The following P4HB variants were observed in gnomAD, a reference collection of about 807,000 sequenced individuals.
P4HB encodes the protein prolyl 4-hydroxylase subunit beta.
A neutral mutation model predicts 52.6 loss-of-function variants in P4HB; 20 were observed. That is an observed-to-expected ratio of 0.38 (90% confidence interval 0.27 to 0.55). P4HB has a LOEUF of 0.55. Ranked by LOEUF, P4HB falls within the 20% of genes least tolerant of loss-of-function variation. The probability of loss-of-function intolerance (pLI) is 0.74; values close to 1 mark genes in which losing one functional copy is unlikely to be tolerated. For missense variants in P4HB, 601 were observed against 669.2 expected (o/e 0.90, Z 1.12); for synonymous variants, 296 against 277.9 (o/e 1.07, Z -0.65).
At position 81,854,575 on chromosome 17, in the gene P4HB, G is replaced by A. The variant is rs1025197314; in HGVS notation, c.624+567C>T. Reference sequence around the variant, plus strand: ...AAAAAAGGCAAACGGGGCCAGGCGCGGTGGCTCACATCTGTAATCCCAGCA... The same window carrying A: ...AAAAAAGGCAAACGGGGCCAGGCGCAGTGGCTCACATCTGTAATCCCAGCA... On this transcript the variant is annotated intron_variant, in intron 4 of 10. Coordinates refer to ENST00000331483, the MANE Select transcript of P4HB (RefSeq NM_000918.4). Among the ~76,000 whole-genome samples, 110 of 151,678 alleles carry A rather than the reference G, an allele frequency of 7.3e-4. 1 individual carries two copies. Among genetic ancestry groups the A allele is most frequent in the African/African-American group, 2.6e-3 (106 of 41,338 alleles).
chr17:81,859,247 C>T lies in P4HB; in HGVS notation c.286G>A (p.Val96Met), dbSNP rs1567842828. Reference sequence around the variant, plus strand: ...AACTTGATGGTGGGATAGCCGCGCACGCCGTACTGCTGGGCCAGGTCAGAC... The same window carrying T: ...AACTTGATGGTGGGATAGCCGCGCATGCCGTACTGCTGGGCCAGGTCAGAC... ...EESDLAQQYG[V>M]RGYPTIKFFR... is the part of the protein sequence containing the mutation. Residue 96 changes from valine (V) to methionine (M), a missense_variant, in exon 2 of 11, where the codon GTG becomes ATG. Physicochemically the swap from Val to Met is conservative, Grantham distance 21. Transcript: ENST00000331483. 5 of 1,614,046 alleles carry T rather than the reference C, an allele frequency of 3.1e-6. No homozygotes were observed. The highest frequency in any genetic ancestry group is 1.1e-5 in the South Asian group (1 of 91,080).
In P4HB at chr17:81,853,890, GC is replaced by G. The variant is rs540464161; in HGVS notation, c.624+1251del. On this transcript the variant is annotated intron_variant, in intron 4 of 10. Transcript: ENST00000331483. ...GCTGTCCCTAGAGCACAAGTGTGCGGCCCCAGCCCCACCTGCCTGGTGACCG... is the reference window on the plus strand; with the variant it reads ...GCTGTCCCTAGAGCACAAGTGTGCGGCCCAGCCCCACCTGCCTGGTGACCG... Among the ~76,000 whole-genome samples, 1,196 of 152,296 alleles carry G rather than the reference GC, an allele frequency of 7.9e-3. 9 individuals carry two copies. Among genetic ancestry groups the G allele is most frequent in the Non-Finnish European group, 0.014 (930 of 68,028 alleles).
chr17:81,855,769 G>C lies in P4HB; in HGVS notation c.353-183C>G. On this transcript the variant is annotated intron_variant, in intron 2 of 10. Coordinates refer to ENST00000331483, the MANE Select transcript of P4HB (RefSeq NM_000918.4). This position sits in a 1 kb window ranked among gnomAD's most constrained non-coding sequence, Gnocchi z 4.3. The stretch of plus-strand genomic sequence containing the variant: ...GCCCGCCTCCTAAACCCCAGTGTAC[G>C]TGAGACTGTGGTTGTGTTTATGGGG... The C allele has an allele frequency of 1.6e-6, 1 of 611,374 alleles. No individual in the cohort carries two copies. The highest frequency in any genetic ancestry group is 2.8e-6 in the Non-Finnish European group (1 of 355,248). The allele number at this position is 611,374 out of a possible 1,614,324, so 37.9% of individuals were successfully genotyped here. A position where few individuals can be genotyped will look rare whatever the true frequency, so the allele number is the denominator to read the frequency against.
intron 1 of P4HB, 89 bp from the exon 2 acceptor site, chr17:81,859,476 T>C (rs1048500847): frequency 7.7e-6 from 9 of 1,161,552 alleles, no homozygotes; most frequent in East Asian, 4.7e-5. Flanking sequence ...TCCTCTGGCA[T>C]TTCCCTTCAT....
In P4HB at chr17:81,860,512, C is replaced by A. The variant is rs778631671; in HGVS notation, c.-41G>T. The A allele has an allele frequency of 8.9e-6, 11 of 1,237,050 alleles. No individual in the cohort carries two copies. The East Asian group carries it at 3.5e-4, about 40-fold the overall frequency. 76.6% of individuals were successfully genotyped at this position (1,237,050 alleles called of 1,614,324 possible). On this transcript the variant is annotated 5_prime_UTR_variant, in exon 1 of 11. Transcript: ENST00000331483. ...GGCGGGGCGCTTCGGTTGGCGCCGCCGGGACAGCGGGGGCGACGAGAGCGC... is the reference window on the plus strand; with the variant it reads ...GGCGGGGCGCTTCGGTTGGCGCCGCAGGGACAGCGGGGGCGACGAGAGCGC...
At chr17:81,852,190 A>AT (rs1184932671) in intron 4 of P4HB, among the ~76,000 whole-genome samples, 4 of 152,140 alleles carry the variant, frequency 2.6e-5, no homozygotes, top group Non-Finnish European at 4.4e-5. Flanking sequence ...TCAAACAACA[A>AT]TAACAGGCCC....
In P4HB at chr17:81,844,041, C is replaced by G; in HGVS notation, c.1498G>C (p.Asp500His). ...AEEPDMEEDD[D>H]QKAVKDEL ...AGTTCATCTTTCACAGCTTTCTGAT[C>G]ATCGTCTTCCTCCATGTCTGGCTCC... Residue 500 changes from aspartate to histidine, a missense_variant, in exon 11 of 11, where the codon GAT (aspartate) becomes CAT (histidine). By Grantham distance (81) the Asp-to-His change is moderately conservative (BLOSUM62 -1). Coordinates refer to ENST00000331483, the MANE Select transcript of P4HB (RefSeq NM_000918.4). The G allele has an allele frequency of 6.2e-7, 1 of 1,613,872 alleles. No homozygotes were observed. Among genetic ancestry groups the G allele is most frequent in the Non-Finnish European group, 8.5e-7 (1 of 1,179,774 alleles).
Position 81,843,756 on chromosome 17 carries a change from A to G in P4HB, c.*256T>C. 3 of 588,312 alleles carry G rather than the reference A, an allele frequency of 5.1e-6. No homozygotes were observed. The East Asian group carries it at 8.4e-5, about 16-fold the overall frequency. The allele number at this position is 588,312 out of a possible 1,614,324, so 36.4% of individuals were successfully genotyped here. On this transcript the variant is annotated 3_prime_UTR_variant, in exon 11 of 11. Coordinates refer to ENST00000331483, the MANE Select transcript of P4HB (RefSeq NM_000918.4). The stretch of plus-strand genomic sequence containing the variant: ...TGGACAGACTCATGTATGAAAAAGT[A>G]CATCATGGTTTCAGGAAACAAGCCC...
rs1224852728 is a variant in P4HB, at chr17:81,843,646, A to C, written c.*366T>G. 2 of 463,950 alleles carry C rather than the reference A, an allele frequency of 4.3e-6. No homozygotes were observed. The highest frequency in any genetic ancestry group is 7.6e-6 in the Non-Finnish European group (2 of 264,024). The allele number at this position is 463,950 out of a possible 1,614,324, so 28.7% of individuals were successfully genotyped here. Reference sequence around the variant, plus strand: ...ACCCTGATGTCGAAAAATGTCTAAAAATCCCACAGACGGAATTTTCAAAAA... The same window carrying C: ...ACCCTGATGTCGAAAAATGTCTAAACATCCCACAGACGGAATTTTCAAAAA... On this transcript the variant is annotated 3_prime_UTR_variant, in exon 11 of 11. Coordinates refer to ENST00000331483, the MANE Select transcript of P4HB (RefSeq NM_000918.4).
chr17:81,860,503 T>C lies in P4HB; in HGVS notation c.-32A>G. ...CACGGATCAGGCGGGGCGCTTCGGT[T>C]GGCGCCGCCGGGACAGCGGGGGCGA... On this transcript the variant is annotated 5_prime_UTR_variant, in exon 1 of 11. Coordinates refer to ENST00000331483, the MANE Select transcript of P4HB (RefSeq NM_000918.4). The C allele has an allele frequency of 4.8e-6, 6 of 1,243,626 alleles. No individual in the cohort carries two copies. The highest frequency in any genetic ancestry group is 1.6e-5 in the African/African-American group (1 of 64,166). 77.0% of individuals were successfully genotyped at this position (1,243,626 alleles called of 1,614,324 possible). A position where few individuals can be genotyped will look rare whatever the true frequency, so the allele number is the denominator to read the frequency against.
intron 10 of P4HB, 53 bp from the exon 11 acceptor site, chr17:81,844,145 C>T (rs1415674257): frequency 7.9e-7 from 1 of 1,267,766 alleles, no homozygotes; most frequent in Non-Finnish European, 1.2e-6. Context: ...ACAGCTGAGG[C>T]TGCCGGCCCC....
At chr17:81,852,810 C>G (rs192029617) in intron 4 of P4HB, among the ~76,000 whole-genome samples, 2 of 152,342 alleles carry the variant, frequency 1.3e-5, no homozygotes, top group Admixed American at 1.3e-4. Context: ...AGAGTCACAG[C>G]GGCCACTGCA....
chr17:81,851,886 G>A (rs983747516), intron 4 of P4HB, among the ~76,000 whole-genome samples: 2 of 152,204 alleles, frequency 1.3e-5, no homozygotes, highest in Non-Finnish European at 2.9e-5. Context: ...AAACAGCATA[G>A]AAACGCCCAA....
rs768209333 is a variant in P4HB, at chr17:81,847,272, G to A, written c.700C>T (p.Leu234=). The A allele has an allele frequency of 1.2e-6, 2 of 1,614,186 alleles. No individual in the cohort carries two copies. Among genetic ancestry groups the A allele is most frequent in the Non-Finnish European group, 1.7e-6 (2 of 1,180,032 alleles). Residue 234 remains leucine (L), a synonymous_variant, in exon 5 of 11, where the codon CTG becomes TTG. Coordinates refer to ENST00000331483, the MANE Select transcript of P4HB (RefSeq NM_000918.4). The part of the protein sequence containing the change: ...NLLDFIKHNQ[L]PLVIEFTEQT... ...TCGGTGAACTCGATGACAAGGGGCA[G>A]CTGGTTGTGTTTGATAAAGTCCAGC... is the stretch of plus-strand genomic sequence containing the variant.
In P4HB at chr17:81,843,567, C is replaced by T. The variant is rs199766901; in HGVS notation, c.*445G>A. 9 of 438,568 alleles carry T rather than the reference C, an allele frequency of 2.1e-5. No homozygotes were observed. The highest frequency in any genetic ancestry group is 3.6e-5 in the Non-Finnish European group (9 of 249,850). 27.2% of individuals were successfully genotyped at this position (438,568 alleles called of 1,614,324 possible). ...GACCATGTCCAGTCCGGCTCCGTCC[C>T]TCCCACACGGGGGACAAGCTTCTCC... On this transcript the variant is annotated 3_prime_UTR_variant, in exon 11 of 11. Coordinates refer to ENST00000331483, the MANE Select transcript of P4HB (RefSeq NM_000918.4).
At chr17:81,849,354 G>T (rs1361312670) in intron 4 of P4HB, among the ~76,000 whole-genome samples, 1 of 151,922 alleles carries the variant, frequency 6.6e-6, no homozygotes, top group Non-Finnish European at 1.5e-5. Flanking sequence ...AAATTAGCTG[G>T]GCGTGGTGGC....
intron 1 of P4HB, 169 bp from the exon 2 acceptor site, chr17:81,859,556 T>C: frequency 1.6e-6 from 1 of 628,906 alleles, no homozygotes; most frequent in Non-Finnish European, 2.8e-6. Flanking sequence ...CTGGTGTTCT[T>C]GGGCAATATC....
chr17:81,859,153 C>T (rs1449217177), intron 2 of P4HB, 28 bp downstream of exon 2: 2 of 1,602,928 alleles, frequency 1.2e-6, no homozygotes, highest in South Asian at 1.1e-5. Context: ...TCTCTAAAGA[C>T]AGTTCAAGGG....
At position 81,854,885 on chromosome 17, in the gene P4HB, GA is replaced by G. The variant is rs371026014; in HGVS notation, c.624+256del. Among the ~76,000 whole-genome samples, 951 of 131,204 alleles carry G rather than the reference GA, an allele frequency of 7.2e-3. 6 individuals are homozygous for G. The highest frequency in any genetic ancestry group is 0.017 in the African/African-American group (624 of 35,736). The allele number at this position is 131,204 out of a possible 152,430, so 86.1% of individuals were successfully genotyped here. A position where few individuals can be genotyped will look rare whatever the true frequency, so the allele number is the denominator to read the frequency against. On this transcript the variant is annotated intron_variant, in intron 4 of 10. Transcript: ENST00000331483. ...TGTTGTTACATGTTTTATCATAATTGAAAAAAAAAAAAAAGCTAACAGTCAA... is the reference window on the plus strand; with the variant it reads ...TGTTGTTACATGTTTTATCATAATTGAAAAAAAAAAAAAGCTAACAGTCAA...
Sources: gnomAD v4.1 joint callset for allele counts (sites outside exome capture counted in the v4.1 genomes callset) on GRCh38, gnomAD v4.1.1 for gene constraint, Gnocchi (gnomAD v3.1) non-coding constraint, MANE v1.5 for transcripts, NCBI Gene and HGNC (gene_info 2026-07-23, HGNC 2026-07-21) for gene names.